STAU2: variants seen among roughly 807,000 people sequenced by gnomAD.
STAU2 encodes double-stranded RNA-binding protein Staufen homolog 2.
In STAU2, 20 loss-of-function variants were observed where a neutral mutation model predicts 65.9. The observed-to-expected ratio is 0.30, with a 90% CI of 0.21 to 0.44. The LOEUF is 0.44. STAU2 is among the 20% of genes least tolerant of loss of function. The pLI is 1.00. For synonymous variants in STAU2, 232 were observed against 233.9 expected (o/e 0.99, Z 0.07); for missense variants, 558 against 683.9 (o/e 0.82, Z 2.05).
intron 3 of STAU2, among the ~76,000 whole-genome samples, chr8:73,726,579 A>G (rs1434798160): frequency 1.3e-5 from 2 of 152,048 alleles, no homozygotes; most frequent in Non-Finnish European, 2.9e-5. Flanking sequence ...CCTGTGCTTC[A>G]TTTTGGATAG....
At chr8:73,440,055 T>C (rs1384923370) in intron 13 of STAU2, 1 of 152,260 alleles carries the variant, frequency 6.6e-6, no homozygotes, top group Non-Finnish European at 1.5e-5. Flanking sequence ...GCTTCCATTT[T>C]TTTCTTAATA....
chr8:73,475,472 A>G (rs1478762172), intron 13 of STAU2, among the ~76,000 whole-genome samples: 1 of 152,192 alleles, frequency 6.6e-6, no homozygotes, highest in Non-Finnish European at 1.5e-5. Context: ...CTCTTACTGT[A>G]AATCATTGAG....
At chr8:73,527,169 T>C (rs1213110766) in intron 13 of STAU2, among the ~76,000 whole-genome samples, 1 of 152,252 alleles carries the variant, frequency 6.6e-6, no homozygotes, top group Non-Finnish European at 1.5e-5. Flanking sequence ...CTCTACCACA[T>C]AGCCTAGGTG....
At chr8:73,579,480 CAA>C (rs1426047749) in intron 12 of STAU2, among the ~76,000 whole-genome samples, 1 of 152,008 alleles carries the variant, frequency 6.6e-6, no homozygotes, top group Non-Finnish European at 1.5e-5. Flanking sequence ...AATGTGAATA[CAA>C]AAAGAGATGT....
At chr8:73,718,725 G>A (rs1821432009) in intron 3 of STAU2, among the ~76,000 whole-genome samples, 1 of 152,192 alleles carries the variant, frequency 6.6e-6, no homozygotes, top group Admixed American at 6.5e-5. Context: ...TCTTGCAGCA[G>A]TATTTTGTAG....
chr8:73,447,772 A>G (rs1360290270), intron 13 of STAU2, among the ~76,000 whole-genome samples: 1 of 152,122 alleles, frequency 6.6e-6, no homozygotes, highest in East Asian at 1.9e-4. Flanking sequence ...GGCTTATGGA[A>G]AGTTAGCAGT....
At chr8:73,641,279 A>C (rs1231983752) in intron 6 of STAU2, among the ~76,000 whole-genome samples, 1 of 151,686 alleles carries the variant, frequency 6.6e-6, no homozygotes, top group Non-Finnish European at 1.5e-5. Flanking sequence ...GGATGGCTTG[A>C]CCCCAGAAAG....
intron 3 of STAU2, among the ~76,000 whole-genome samples, chr8:73,717,687 G>A (rs1318971648): frequency 2.0e-5 from 3 of 152,028 alleles, no homozygotes; most frequent in African/African-American, 7.2e-5. Flanking sequence ...TCGCTCTGTC[G>A]CCCAGGCTGG....
intron 3 of STAU2, among the ~76,000 whole-genome samples, chr8:73,715,423 T>C (rs1821183192): frequency 7.2e-6 from 1 of 138,894 alleles, no homozygotes; most frequent in Non-Finnish European, 1.5e-5. Context: ...ACCACTACAC[T>C]CTAGCCTGGG....
In STAU2 at chr8:73,488,180, T is replaced by A. The variant is rs529874714; in HGVS notation, c.1530+63832A>T. On this transcript the variant is annotated intron_variant, in intron 13 of 14. Coordinates refer to ENST00000524300, the MANE Select transcript of STAU2 (RefSeq NM_001164380.2). Reference sequence around the variant, plus strand: ...ACTCTTTTACAGAGTAGGAATTTTTTAATTACCTTAACTTGTAAACATAAT... The same window carrying A: ...ACTCTTTTACAGAGTAGGAATTTTTAAATTACCTTAACTTGTAAACATAAT... Among the ~76,000 whole-genome samples the A allele has an allele frequency of 3.3e-5, 5 of 152,226 alleles. No homozygotes were observed. In the South Asian group the frequency reaches 1.0e-3, roughly 32 times the overall value.
At chr8:73,483,509 C>G (rs35597747) in intron 13 of STAU2, among the ~76,000 whole-genome samples, 16,909 of 123,542 alleles carry the variant, frequency 0.14, 1,307 homozygotes, top group African/African-American at 0.26. Context: ...CAGTAATGTA[C>G]TATTACCTTA....
chr8:73,546,017 ACTG>A (rs2128939897), intron 13 of STAU2, among the ~76,000 whole-genome samples: 1 of 144,954 alleles, frequency 6.9e-6, no homozygotes, highest in East Asian at 2.1e-4. Context: ...GTCTTGGCTC[ACTG>A]CACTTCCGCC....
intron 3 of STAU2, among the ~76,000 whole-genome samples, chr8:73,721,337 A>G (rs887016132): frequency 2.7e-5 from 4 of 148,002 alleles, no homozygotes; most frequent in African/African-American, 9.8e-5. Flanking sequence ...CCCAAAATAC[A>G]GTTTATCGTT....
chr8:73,642,870 A>G (rs1375497275), intron 6 of STAU2, among the ~76,000 whole-genome samples: 1 of 152,200 alleles, frequency 6.6e-6, no homozygotes, highest in Non-Finnish European at 1.5e-5. Flanking sequence ...ACTTGTTTGG[A>G]AACTGCAGCC....
intron 13 of STAU2, among the ~76,000 whole-genome samples, chr8:73,450,886 G>A (rs1001523440): frequency 5.9e-5 from 9 of 152,316 alleles, no homozygotes; most frequent in East Asian, 1.9e-4. Context: ...TGCCCTAAAG[G>A]AGACAGTGAG....
At chr8:73,661,435 A>AT (rs1361919644) in intron 6 of STAU2, among the ~76,000 whole-genome samples, 2 of 152,298 alleles carry the variant, frequency 1.3e-5, no homozygotes, top group African/African-American at 4.8e-5. Flanking sequence ...ACAAAATGTT[A>AT]TTTTTTAAAT....
chr8:73,545,519 A>G (rs889770274), intron 13 of STAU2, among the ~76,000 whole-genome samples: 2 of 152,216 alleles, frequency 1.3e-5, no homozygotes, highest in African/African-American at 4.8e-5. Flanking sequence ...AGTAAAAACA[A>G]GTAAACTACA....
At chr8:73,628,235 G>A (rs973595364) in intron 6 of STAU2, among the ~76,000 whole-genome samples, 1 of 146,190 alleles carries the variant, frequency 6.8e-6, no homozygotes, top group African/African-American at 2.6e-5. Context: ...CATCATGCCT[G>A]GCTAATTTTT....
intron 6 of STAU2, among the ~76,000 whole-genome samples, chr8:73,662,264 T>C (rs560150967): frequency 2.1e-3 from 327 of 152,350 alleles, no homozygotes; most frequent in Non-Finnish European, 3.7e-3. Context: ...TTATATATTC[T>C]GAAGTCCTCT....
Sources: gnomAD v4.1 joint callset for allele counts (sites outside exome capture counted in the v4.1 genomes callset) on GRCh38, gnomAD v4.1.1 for gene constraint, MANE v1.5 for transcripts, NCBI Gene and HGNC (gene_info 2026-07-23, HGNC 2026-07-21) for gene names.